Variants in RBFOX2 observed in about 807,000 individuals in gnomAD.
RBFOX2 encodes the protein RNA binding fox-1 homolog 2.
RBFOX2 carries 10 observed loss-of-function variants against 49.1 expected under a neutral mutation model. That is an observed-to-expected ratio of 0.20 (90% confidence interval 0.13 to 0.35). The LOEUF (loss-of-function observed/expected upper bound fraction) is 0.35. Among genes scored for constraint, RBFOX2 ranks in the 10% least tolerant of loss-of-function variants. The probability of loss-of-function intolerance (pLI) is 1.00; values close to 1 mark genes in which losing one functional copy is unlikely to be tolerated. For missense variants in RBFOX2, 323 were observed against 486.9 expected (o/e 0.66, Z 3.17); for synonymous variants, 183 against 187.4 (o/e 0.98, Z 0.19).
At chr22:36,020,075 C>A (rs2059183808) in intron 1 of RBFOX2, among the ~76,000 whole-genome samples, 2 of 151,974 alleles carry the variant, frequency 1.3e-5, no homozygotes, top group African/African-American at 2.4e-5. Context: ...CAGAACAGAG[C>A]CCTCAGAAAT....
intron 1 of RBFOX2, among the ~76,000 whole-genome samples, chr22:35,884,926 C>A (rs975242016): frequency 6.6e-6 from 1 of 152,036 alleles, no homozygotes; most frequent in African/African-American, 2.4e-5. Flanking sequence ...GCATCAGACC[C>A]AGTGCCTCCT....
At chr22:35,862,625 C>A (rs949081065) in intron 1 of RBFOX2, among the ~76,000 whole-genome samples, 2 of 152,132 alleles carry the variant, frequency 1.3e-5, no homozygotes, top group Non-Finnish European at 1.5e-5. Context: ...CTTAAAGTAT[C>A]CCTAATACCT....
At chr22:35,948,561 T>C (rs1363939664) in intron 1 of RBFOX2, among the ~76,000 whole-genome samples, 1 of 152,078 alleles carries the variant, frequency 6.6e-6, no homozygotes, top group Non-Finnish European at 1.5e-5. Flanking sequence ...GGTGCACACC[T>C]GTGGTCCCAG....
At chr22:35,839,453 GGA>G (rs757347601) in intron 1 of RBFOX2, among the ~76,000 whole-genome samples, 21 of 152,040 alleles carry the variant, frequency 1.4e-4, no homozygotes, top group Non-Finnish European at 2.5e-4. Flanking sequence ...AGTGGGAGTG[GGA>G]GAGAGAGAAG....
intron 6 of RBFOX2, among the ~76,000 whole-genome samples, chr22:35,764,010 T>G (rs796288471): frequency 1.3e-5 from 2 of 152,328 alleles, no homozygotes; most frequent in African/African-American, 4.8e-5. Context: ...CTTTCTATTT[T>G]GTTTACTTTG....
intron 1 of RBFOX2, among the ~76,000 whole-genome samples, chr22:35,916,386 A>T (rs1161977678): frequency 6.6e-6 from 1 of 152,176 alleles, no homozygotes; most frequent in African/African-American, 2.4e-5. Context: ...GATTCAAGCA[A>T]TCCTCGTGCC....
chr22:35,951,338 C>T (rs911850226), intron 1 of RBFOX2, among the ~76,000 whole-genome samples: 3 of 147,744 alleles, frequency 2.0e-5, no homozygotes, highest in Non-Finnish European at 3.0e-5. Flanking sequence ...CTCCACCTTC[C>T]GGGTTCAAGC....
chr22:35,998,959 A>G (rs1233075028), intron 1 of RBFOX2: 1 of 152,542 alleles, frequency 6.6e-6, no homozygotes, highest in Non-Finnish European at 1.5e-5. Context: ...CCAATTAGCC[A>G]CAGTGGCAGC....
chr22:35,897,722 G>A, intron 1 of RBFOX2: 2 of 866,202 alleles, frequency 2.3e-6, no homozygotes, highest in Admixed American at 1.7e-5. Context: ...AAGGAAACAA[G>A]GGGTATAGCA....
chr22:35,887,161 T>C (rs565230445), intron 1 of RBFOX2, among the ~76,000 whole-genome samples: 19 of 152,068 alleles, frequency 1.2e-4, no homozygotes, highest in African/African-American at 4.6e-4. Context: ...TAACATTAAA[T>C]GTCATATTAA....
At chr22:35,775,572 G>C (rs1220157578) in intron 4 of RBFOX2, among the ~76,000 whole-genome samples, 1 of 152,104 alleles carries the variant, frequency 6.6e-6, no homozygotes, top group Non-Finnish European at 1.5e-5. Context: ...GGATGCAGTG[G>C]CTCACACCTG....
chr22:35,937,834 C>A (rs1403915204), intron 1 of RBFOX2, among the ~76,000 whole-genome samples: 2 of 152,078 alleles, frequency 1.3e-5, no homozygotes, highest in African/African-American at 2.4e-5. Context: ...CATGATCCAC[C>A]CACCTTGGCC....
chr22:35,878,863 TG>T lies in RBFOX2; in HGVS notation c.-34+59983del, dbSNP rs1377983021. 2.6e-5 allele frequency among the ~76,000 whole-genome samples: 4 copies of T among 152,188 alleles called. 1 individual carries two copies. Among genetic ancestry groups the T allele is most frequent in the African/African-American group, 9.6e-5 (4 of 41,460 alleles). ...CTCCTGCCTCAGCCTCCAGAGTGGC[TG>T]GGACTACAGGCGCCCGCCACCACAC... On this transcript the variant is annotated intron_variant, in intron 1 of 13. Transcript: ENST00000359369.
chr22:35,840,279 C>T, exon 1 of RBFOX2: 1 of 1,613,920 alleles, frequency 6.2e-7, no homozygotes, highest in South Asian at 1.1e-5. Context: ...ACCTCCACAG[C>T]TTTCTTTTCC....
rs753116056 is a variant in RBFOX2 at position 35,775,841 on chromosome 22, C to CAAAAAAA, written c.453+2177_453+2183dup. ...TGGGCAACAGAGCGAGAATCTGCCT[C>CAAAAAAA]AAAAAAAAAAAAAAAAAAAAGAAAA... is the stretch of plus-strand genomic sequence containing the variant. On this transcript the variant is annotated intron_variant, in intron 4 of 11. Coordinates refer to ENST00000405409, the Ensembl canonical transcript of RBFOX2. 5.8e-3 allele frequency among the ~76,000 whole-genome samples: 325 copies of CAAAAAAA among 56,032 alleles called. 15 individuals are homozygous for CAAAAAAA. The highest frequency in any genetic ancestry group is 0.029 in the East Asian group (59 of 2,014). The allele number at this position is 56,032 out of a possible 152,430, so 36.8% of individuals were successfully genotyped here.
In RBFOX2 at chr22:35,917,537, G is replaced by C. The variant is rs1019211775; in HGVS notation, c.-34+21310C>G. ...AACCATGATCAAACATTTTCAGGCAGGAACTACAAGATGACTGCTTGTTAG... is the reference window on the plus strand; with the variant it reads ...AACCATGATCAAACATTTTCAGGCACGAACTACAAGATGACTGCTTGTTAG... On this transcript the variant is annotated intron_variant, in intron 1 of 13. Transcript: ENST00000359369. Among the ~76,000 whole-genome samples the C allele has an allele frequency of 3.6e-4, 55 of 152,212 alleles. 1 individual carries two copies. The highest frequency in any genetic ancestry group is 9.7e-5 in the African/African-American group (4 of 41,448).
upstream of RBFOX2, among the ~76,000 whole-genome samples, chr22:35,943,892 G>C (rs1286337200): frequency 2.0e-5 from 3 of 152,220 alleles, no homozygotes; most frequent in African/African-American, 4.8e-5. Context: ...GCGACAGAGC[G>C]AGACTCCGTC....
At chr22:35,912,690 T>C (rs981914405) in intron 1 of RBFOX2, among the ~76,000 whole-genome samples, 2 of 152,228 alleles carry the variant, frequency 1.3e-5, no homozygotes, top group African/African-American at 2.4e-5. Context: ...ACTTATCATA[T>C]AAAATGTATT....
intron 1 of RBFOX2, among the ~76,000 whole-genome samples, chr22:36,020,627 C>CA (rs2059208410): frequency 6.6e-6 from 1 of 152,118 alleles, no homozygotes; most frequent in Non-Finnish European, 1.5e-5. Flanking sequence ...TTTACGCAGC[C>CA]AACAGACACA....
Sources: gnomAD v4.1 joint callset for allele counts (sites outside exome capture counted in the v4.1 genomes callset) on GRCh38, gnomAD v4.1.1 for gene constraint, MANE v1.5 for transcripts, NCBI Gene and HGNC (gene_info 2026-07-23, HGNC 2026-07-21) for gene names.